Variants in ARMH4 observed in about 807,000 individuals in gnomAD.
The protein encoded by ARMH4 is armadillo-like helical domain-containing protein 4.
In ARMH4, 49 loss-of-function variants were observed where a neutral mutation model predicts 61.9. That is an observed-to-expected ratio of 0.79 (90% CI 0.63 to 1.00). The LOEUF is 1.00. Among genes scored for constraint, ARMH4 ranks in the 50% least tolerant of loss-of-function variants. ARMH4 has a pLI of 0.00. For synonymous variants in ARMH4, 368 were observed against 341.5 expected, an observed-to-expected ratio of 1.08 and a Z score of -0.85; for missense variants, 934 against 930.0, an observed-to-expected ratio of 1.00 and a Z score of -0.06.
chr14:58,080,797 A>G (rs1014095884), intron 5 of ARMH4, among the ~76,000 whole-genome samples: 4 of 152,144 alleles, frequency 2.6e-5, no homozygotes, highest in African/African-American at 9.7e-5. Context: ...AAAGAAATGT[A>G]TATGTTTCTA....
chr14:58,004,631 G>A lies in ARMH4; in HGVS notation c.*105C>T, dbSNP rs17807721. The A allele has an allele frequency of 0.13, 120,886 of 958,906 alleles. 8,226 individuals carry two copies. The highest frequency in any genetic ancestry group is 0.15 in the Admixed American group (7,228 of 49,062). 59.4% of individuals were successfully genotyped at this position (958,906 alleles called of 1,614,324 possible). On this transcript the variant is annotated 3_prime_UTR_variant, in exon 8 of 8. Coordinates refer to ENST00000267485, the MANE Select transcript of ARMH4 (RefSeq NM_001001872.4). ...CACCCAGCAGACACTAGGACTAACG[G>A]CCTGATAGCAGCAATGTGGCAGGTT...
At chr14:58,098,890 A>G (rs534836490) in intron 4 of ARMH4, among the ~76,000 whole-genome samples, 25 of 152,170 alleles carry the variant, frequency 1.6e-4, no homozygotes, top group Non-Finnish European at 3.1e-4. Context: ...GGCTATATCA[A>G]AGCAAGAGAT....
chr14:58,151,099 C>T (rs1887904816), intron 1 of ARMH4, among the ~76,000 whole-genome samples: 2 of 152,164 alleles, frequency 1.3e-5, no homozygotes, highest in African/African-American at 4.8e-5. Flanking sequence ...CCTCAAGTTT[C>T]AAACTAAAAC....
chr14:58,133,408 T>TC, intron 2 of ARMH4, 67 bp from the exon 3 acceptor site: 1 of 1,226,920 alleles, frequency 8.2e-7, no homozygotes, highest in Non-Finnish European at 1.1e-6. Flanking sequence ...AAAATCATGA[T>TC]ATGATTAAAA....
rs1019788771 is a variant in ARMH4 at position 58,095,103 on chromosome 14, G to A, written c.2089+1621C>T. The stretch of plus-strand genomic sequence containing the variant: ...CTCTAATTACTTATAATTACTCAAA[G>A]ATGGTAAGTCCACTTCATAAGTGGT... On this transcript the variant is annotated intron_variant, in intron 5 of 7. Transcript: ENST00000267485. Among the ~76,000 whole-genome samples, 3 of 152,130 alleles carry A rather than the reference G, an allele frequency of 2.0e-5. No individual in the cohort carries two copies. In the South Asian group the frequency reaches 6.2e-4, roughly 32 times the overall value.
chr14:58,061,116 G>A (rs973265469), intron 5 of ARMH4, among the ~76,000 whole-genome samples: 1 of 152,058 alleles, frequency 6.6e-6, no homozygotes, highest in African/African-American at 2.4e-5. Flanking sequence ...GCTCCTCCTT[G>A]ACTAGCCCAG....
chr14:58,102,693 C>T (rs1886033756), intron 4 of ARMH4, among the ~76,000 whole-genome samples: 1 of 150,836 alleles, frequency 6.6e-6, no homozygotes, highest in Admixed American at 6.6e-5. Context: ...CGCCTGTAGT[C>T]CCAGCTACTC....
intron 5 of ARMH4, among the ~76,000 whole-genome samples, chr14:58,058,129 G>A (rs1199843714): frequency 6.6e-6 from 1 of 152,160 alleles, no homozygotes; most frequent in Non-Finnish European, 1.5e-5. Flanking sequence ...ACAACCCTTG[G>A]ATACCAACAT....
At chr14:58,041,415 G>A (rs1328352609) in intron 5 of ARMH4, among the ~76,000 whole-genome samples, 1 of 152,056 alleles carries the variant, frequency 6.6e-6, no homozygotes, top group Non-Finnish European at 1.5e-5. Flanking sequence ...CTCAACACCA[G>A]GCCTGCCCTA....
At chr14:58,082,787 G>A (rs779731013) in intron 5 of ARMH4, among the ~76,000 whole-genome samples, 4 of 152,146 alleles carry the variant, frequency 2.6e-5, no homozygotes, top group African/African-American at 4.8e-5. Flanking sequence ...TCTGGGGCTT[G>A]CCTTCCTTGA....
chr14:58,123,774 G>C (rs1886808066), intron 4 of ARMH4, among the ~76,000 whole-genome samples: 1 of 152,146 alleles, frequency 6.6e-6, no homozygotes, highest in African/African-American at 2.4e-5. Context: ...CCATCTATTT[G>C]GCCAGGCATT....
At chr14:58,126,888 T>A (rs886358715) in intron 4 of ARMH4, among the ~76,000 whole-genome samples, 1 of 149,272 alleles carries the variant, frequency 6.7e-6, no homozygotes, top group Non-Finnish European at 1.5e-5. Context: ...CTGCAACCTA[T>A]GCTTCCCGGG....
chr14:58,045,455 C>A (rs1431555772), intron 5 of ARMH4, among the ~76,000 whole-genome samples: 1 of 151,950 alleles, frequency 6.6e-6, no homozygotes, highest in Non-Finnish European at 1.5e-5. Context: ...CACACCGGGC[C>A]CTGTTGTGGG....
At chr14:58,083,797 T>C (rs944985508) in intron 5 of ARMH4, among the ~76,000 whole-genome samples, 3 of 152,242 alleles carry the variant, frequency 2.0e-5, no homozygotes, top group Non-Finnish European at 2.9e-5. Flanking sequence ...AAGTCAGTCT[T>C]GCATCCATCT....
chr14:58,115,688 G>A (rs1227302988), intron 4 of ARMH4, among the ~76,000 whole-genome samples: 2 of 152,144 alleles, frequency 1.3e-5, no homozygotes, highest in African/African-American at 2.4e-5. Context: ...AACAATGGTA[G>A]ACTAACGAAA....
intron 5 of ARMH4, among the ~76,000 whole-genome samples, chr14:58,074,450 A>C (rs543687819): frequency 1.3e-5 from 2 of 150,348 alleles, no homozygotes; most frequent in African/African-American, 4.9e-5. Context: ...GATGCAACAC[A>C]GTTCTTTTTT....
rs5808958 is a variant in ARMH4, at chr14:58,098,775, CT to C, written c.1832-1795del. Among the ~76,000 whole-genome samples, 2,949 of 143,604 alleles carry C rather than the reference CT, an allele frequency of 0.021. 201 individuals are homozygous for C. In the East Asian group the frequency reaches 0.23, roughly 11 times the overall value. 94.2% of individuals were successfully genotyped at this position (143,604 alleles called of 152,430 possible). The stretch of plus-strand genomic sequence containing the variant: ...AGAAGTAGGCAGGGGCCAGATCTGA[CT>C]TTTTTTTTTTTTAAGTCTTTTATTT... On this transcript the variant is annotated intron_variant, in intron 4 of 7. Transcript: ENST00000267485.
chr14:58,067,759 A>G (rs1438182904), intron 5 of ARMH4, among the ~76,000 whole-genome samples: 8 of 152,226 alleles, frequency 5.3e-5, no homozygotes. Context: ...GGGGAAATGG[A>G]TGAATACTAA....
chr14:58,012,223 A>C (rs3783687), intron 5 of ARMH4, 73 bp from the exon 6 acceptor site: 11,980 of 915,106 alleles, frequency 0.013, 203 homozygotes, highest in East Asian at 0.075. Flanking sequence ...AGTTAATTTG[A>C]CAAATTAAAG....
Sources: gnomAD v4.1 joint callset for allele counts (sites outside exome capture counted in the v4.1 genomes callset) on GRCh38, gnomAD v4.1.1 for gene constraint, MANE v1.5 for transcripts, NCBI Gene and HGNC (gene_info 2026-07-23, HGNC 2026-07-21) for gene names.